Variants in DAB1 observed in about 807,000 individuals in gnomAD.
DAB1 encodes the protein DAB adaptor protein 1, also known as disabled homolog 1.
In DAB1, 15 loss-of-function variants were observed where a neutral mutation model predicts 64.6. The observed-to-expected ratio is 0.23, with a 90% CI of 0.16 to 0.36. The LOEUF (loss-of-function observed/expected upper bound fraction) is 0.36, where lower values mean the gene tolerates loss of function less well. Ranked by LOEUF, DAB1 falls within the 10% of genes least tolerant of loss-of-function variation. The pLI is 1.00. For missense variants in DAB1, 596 were observed against 706.7 expected, an observed-to-expected ratio of 0.84 and a Z score of 1.78; for synonymous variants, 235 against 251.9, an observed-to-expected ratio of 0.93 and a Z score of 0.64.
intron 11 of DAB1, among the ~76,000 whole-genome samples, chr1:57,017,791 C>T (rs1238196625): frequency 6.6e-6 from 1 of 152,184 alleles, no homozygotes; most frequent in African/African-American, 2.4e-5. Context: ...CTTAGCTTGC[C>T]TCGCCCATGG....
chr1:57,674,905 T>C (rs926698125), intron 6 of DAB1, among the ~76,000 whole-genome samples: 3 of 152,188 alleles, frequency 2.0e-5, no homozygotes, highest in South Asian at 2.1e-4. Flanking sequence ...AAATAATCCA[T>C]TGGCTTCACT....
intron 2 of DAB1, among the ~76,000 whole-genome samples, chr1:57,242,854 T>A (rs1668592125): frequency 6.6e-6 from 1 of 152,214 alleles, no homozygotes; most frequent in Non-Finnish European, 1.5e-5. Flanking sequence ...TAAAGAGAAC[T>A]GTTTGTAGAC....
intron 7 of DAB1, among the ~76,000 whole-genome samples, chr1:57,635,594 C>T (rs1413773336): frequency 6.6e-6 from 1 of 152,058 alleles, no homozygotes; most frequent in East Asian, 1.9e-4. Context: ...GCTCAGGGCT[C>T]CCACTGATTC....
intron 1 of DAB1, among the ~76,000 whole-genome samples, chr1:57,883,808 C>A (rs569371879): frequency 6.6e-6 from 1 of 152,206 alleles, no homozygotes; most frequent in African/African-American, 2.4e-5. Flanking sequence ...CTGGCTACCG[C>A]CTCATTGAAT....
chr1:58,022,959 C>T (rs972118118), intron 5 of DAB1, among the ~76,000 whole-genome samples: 5 of 152,122 alleles, frequency 3.3e-5, no homozygotes, highest in Non-Finnish European at 5.9e-5. Context: ...CACAATGCCT[C>T]ACATGGCATA....
intron 4 of DAB1, among the ~76,000 whole-genome samples, chr1:58,290,909 G>A (rs555214331): frequency 6.6e-6 from 1 of 152,122 alleles, no homozygotes; most frequent in Admixed American, 6.6e-5. Context: ...AGACCCGAGG[G>A]TCAGCCAATG....
chr1:58,064,029 G>A (rs528907881), intron 5 of DAB1, among the ~76,000 whole-genome samples: 2 of 152,232 alleles, frequency 1.3e-5, no homozygotes, highest in South Asian at 4.2e-4. Context: ...CTTACAATAA[G>A]CCAAAGAAAT....
At chr1:58,240,671 A>G (rs954493033) in intron 4 of DAB1, among the ~76,000 whole-genome samples, 1 of 152,212 alleles carries the variant, frequency 6.6e-6, no homozygotes, top group Non-Finnish European at 1.5e-5. Context: ...AAACAAAGAA[A>G]GAAACTAAAA....
At chr1:57,665,299 T>C (rs1646433681) in intron 6 of DAB1, among the ~76,000 whole-genome samples, 1 of 152,110 alleles carries the variant, frequency 6.6e-6, no homozygotes, top group South Asian at 2.1e-4. Context: ...TGGTGGCTTT[T>C]TAAAACCTAT....
At chr1:57,861,347 T>A (rs1886137) in intron 1 of DAB1, among the ~76,000 whole-genome samples, 1 of 152,160 alleles carries the variant, frequency 6.6e-6, no homozygotes, top group Non-Finnish European at 1.5e-5. Flanking sequence ...GGTGCCAGCA[T>A]GGTCAGATTC....
intron 7 of DAB1, among the ~76,000 whole-genome samples, chr1:57,576,489 T>A (rs1391477804): frequency 2.0e-5 from 3 of 152,126 alleles, no homozygotes; most frequent in African/African-American, 7.2e-5. Flanking sequence ...AAGGAAGAGA[T>A]AGAAATTGGA....
At chr1:57,947,799 T>A (rs922099048) in intron 5 of DAB1, among the ~76,000 whole-genome samples, 1 of 152,174 alleles carries the variant, frequency 6.6e-6, no homozygotes, top group Non-Finnish European at 1.5e-5. Flanking sequence ...TTAAAGAATG[T>A]GTAAGGCTGA....
At chr1:58,288,885 C>T (rs1661752656) in intron 4 of DAB1, among the ~76,000 whole-genome samples, 1 of 152,136 alleles carries the variant, frequency 6.6e-6, no homozygotes. Flanking sequence ...TATTTCTCTG[C>T]TCCTTCAATA....
At chr1:57,118,747 T>A (rs1190901661) in intron 4 of DAB1, among the ~76,000 whole-genome samples, 1 of 152,194 alleles carries the variant, frequency 6.6e-6, no homozygotes, top group Non-Finnish European at 1.5e-5. Context: ...ACTTACTGCA[T>A]GCCAAACACT....
At chr1:57,157,768 C>T (rs565405045) in intron 2 of DAB1, among the ~76,000 whole-genome samples, 9 of 152,238 alleles carry the variant, frequency 5.9e-5, no homozygotes, top group Non-Finnish European at 1.0e-4. Flanking sequence ...CACAAACATA[C>T]GATCCATAAT....
In DAB1 at chr1:57,548,818, G is replaced by C. The variant is rs1435480445; in HGVS notation, n.625+100774C>G. On this transcript the variant is annotated intron_variant and non_coding_transcript_variant, in intron 7 of 20. Transcript: ENST00000485760. The stretch of plus-strand genomic sequence containing the variant: ...GGTTTTCTAGCATTTTCTCTTCACA[G>C]CCACAGTAACTAACATTAACAGACA... Among the ~76,000 whole-genome samples the C allele has an allele frequency of 2.0e-5, 3 of 152,074 alleles. No homozygotes were observed. In the East Asian group the frequency reaches 5.8e-4, roughly 29 times the overall value.
At chr1:58,191,787 T>G (rs1657403426) in intron 4 of DAB1, among the ~76,000 whole-genome samples, 1 of 152,212 alleles carries the variant, frequency 6.6e-6, no homozygotes, top group Non-Finnish European at 1.5e-5. Flanking sequence ...AGTCTGTATC[T>G]TTGTGTCTTC....
intron 5 of DAB1, among the ~76,000 whole-genome samples, chr1:57,901,398 G>T (rs1644471985): frequency 6.6e-6 from 1 of 152,056 alleles, no homozygotes; most frequent in Non-Finnish European, 1.5e-5. Flanking sequence ...AGGTGCTGGG[G>T]CCTGTTCTCC....
intron 2 of DAB1, among the ~76,000 whole-genome samples, chr1:57,279,086 C>T (rs1350425268): frequency 6.6e-5 from 10 of 152,132 alleles, no homozygotes; most frequent in East Asian, 3.8e-4. Flanking sequence ...GGGGAATTTG[C>T]GAAATTTCCT....
Sources: gnomAD v4.1 joint callset for allele counts (sites outside exome capture counted in the v4.1 genomes callset) on GRCh38, gnomAD v4.1.1 for gene constraint, MANE v1.5 for transcripts, NCBI Gene and HGNC (gene_info 2026-07-23, HGNC 2026-07-21) for gene names.